The following LUZP2 variants were observed in gnomAD, a reference collection of about 807,000 sequenced individuals.
LUZP2 encodes the protein leucine zipper protein 2.
LUZP2 carries 52 observed loss-of-function variants against 51.6 expected under a neutral mutation model. That is an observed-to-expected ratio of 1.01 (90% confidence interval 0.81 to 1.27). LUZP2 has a LOEUF of 1.27. LUZP2 is among the 50% of genes most tolerant of loss of function. The pLI is 0.00. For synonymous variants in LUZP2, 154 were observed against 137.3 expected (o/e 1.12, Z -0.85); for missense variants, 436 against 395.4 (o/e 1.10, Z -0.87).
At chr11:25,052,409 C>T (rs1279068910) in intron 10 of LUZP2, among the ~76,000 whole-genome samples, 2 of 152,164 alleles carry the variant, frequency 1.3e-5, no homozygotes, top group Non-Finnish European at 2.9e-5. Flanking sequence ...TAGGTAAGGT[C>T]TAGACATTAG....
intron 5 of LUZP2, among the ~76,000 whole-genome samples, chr11:24,874,089 C>G (rs533802032): frequency 1.3e-5 from 2 of 152,228 alleles, no homozygotes; most frequent in African/African-American, 2.4e-5. Context: ...ATTCTTCCAG[C>G]TTTACAGTGG....
chr11:24,867,621 G>A (rs183597981), intron 5 of LUZP2, among the ~76,000 whole-genome samples: 4 of 152,164 alleles, frequency 2.6e-5, no homozygotes, highest in South Asian at 2.1e-4. Context: ...ATTTTCAGAC[G>A]TCCTATGAAA....
intron 1 of LUZP2, among the ~76,000 whole-genome samples, chr11:24,658,874 G>A (rs1449407557): frequency 6.6e-6 from 1 of 152,090 alleles, no homozygotes; most frequent in East Asian, 1.9e-4. Context: ...CAATGAGATA[G>A]CATCTCACAC....
intron 1 of LUZP2, among the ~76,000 whole-genome samples, chr11:24,689,959 G>A (rs1246263880): frequency 3.3e-5 from 5 of 151,994 alleles, no homozygotes; most frequent in Admixed American, 2.6e-4. Flanking sequence ...AGGATTCTTA[G>A]AGAATATCTA....
chr11:24,597,178 ATATG>A (rs1469663495), intron 1 of LUZP2, among the ~76,000 whole-genome samples: 1 of 152,202 alleles, frequency 6.6e-6, no homozygotes, highest in Non-Finnish European at 1.5e-5. Flanking sequence ...TAGGTATACT[ATATG>A]TATAAGCATG....
intron 1 of LUZP2, among the ~76,000 whole-genome samples, chr11:24,553,892 C>T (rs1333873565): frequency 6.6e-6 from 1 of 152,138 alleles, no homozygotes; most frequent in Non-Finnish European, 1.5e-5. Context: ...CTGCCATTTT[C>T]ATGAGTTTCC....
At chr11:24,562,316 A>T (rs1031632474) in intron 1 of LUZP2, among the ~76,000 whole-genome samples, 1 of 152,132 alleles carries the variant, frequency 6.6e-6, no homozygotes, top group African/African-American at 2.4e-5. Context: ...AAACTATAAC[A>T]TCTTGTCCTA....
At chr11:24,751,188 A>G (rs370117917) in intron 4 of LUZP2, among the ~76,000 whole-genome samples, 1 of 152,232 alleles carries the variant, frequency 6.6e-6, no homozygotes, top group Non-Finnish European at 1.5e-5. Context: ...CTGCTAAAAA[A>G]TCATAGCAGT....
chr11:24,796,284 C>T (rs1220585199), intron 5 of LUZP2, among the ~76,000 whole-genome samples: 4 of 151,928 alleles, frequency 2.6e-5, no homozygotes, highest in South Asian at 4.1e-4. Flanking sequence ...TTGAATAACC[C>T]GATTAGAGTT....
intron 1 of LUZP2, among the ~76,000 whole-genome samples, chr11:24,707,923 C>T (rs112169726): frequency 1.5e-4 from 23 of 152,264 alleles, no homozygotes; most frequent in African/African-American, 3.9e-4. Flanking sequence ...TTATCTCTGA[C>T]GCACGTGGCC....
intron 1 of LUZP2, among the ~76,000 whole-genome samples, chr11:24,585,126 C>T (rs1853017702): frequency 6.6e-6 from 1 of 152,126 alleles, no homozygotes; most frequent in South Asian, 2.1e-4. Flanking sequence ...TCTGGGTATC[C>T]TTAATGCCAA....
intron 1 of LUZP2, among the ~76,000 whole-genome samples, chr11:24,602,705 A>G (rs955552411): frequency 7.9e-5 from 12 of 151,612 alleles, no homozygotes; most frequent in Non-Finnish European, 1.3e-4. Flanking sequence ...TTATTATTAT[A>G]TTATTATTGA....
At chr11:24,530,996 G>A (rs1026469829) in intron 1 of LUZP2, among the ~76,000 whole-genome samples, 2 of 147,226 alleles carry the variant, frequency 1.4e-5, no homozygotes, top group African/African-American at 5.0e-5. Context: ...AATTTTACCT[G>A]AACCTTTCCC....
At chr11:24,816,255 C>T (rs10834489) in intron 5 of LUZP2, among the ~76,000 whole-genome samples, 53,268 of 151,588 alleles carry the variant, frequency 0.35, 10,542 homozygotes, top group East Asian at 0.63. Flanking sequence ...TGTAATATGG[C>T]GACTGGATCA....
chr11:24,627,362 C>T (rs1217096418), intron 1 of LUZP2, among the ~76,000 whole-genome samples: 1 of 152,058 alleles, frequency 6.6e-6, no homozygotes, highest in Non-Finnish European at 1.5e-5. Flanking sequence ...TTATTGATGG[C>T]CAGAAATGTC....
intron 9 of LUZP2, among the ~76,000 whole-genome samples, chr11:25,043,592 A>G (rs12418041): frequency 5.5e-5 from 4 of 72,194 alleles, no homozygotes; most frequent in East Asian, 1.6e-3. Flanking sequence ...TGATATATAT[A>G]TATCCTTGAT....
intron 1 of LUZP2, among the ~76,000 whole-genome samples, chr11:24,528,143 A>T (rs1442596302): frequency 6.6e-6 from 1 of 151,394 alleles, no homozygotes; most frequent in Non-Finnish European, 1.5e-5. Flanking sequence ...TTGAAAATAT[A>T]AAAGGAAGTA....
chr11:24,770,385 G>A (rs999875002), intron 5 of LUZP2, among the ~76,000 whole-genome samples: 28 of 152,046 alleles, frequency 1.8e-4, no homozygotes, highest in African/African-American at 6.3e-4. Context: ...AATTAACCCA[G>A]CTACTCTATC....
intron 10 of LUZP2, among the ~76,000 whole-genome samples, chr11:25,069,775 CTTTA>C (rs1859103100): frequency 6.6e-6 from 1 of 151,474 alleles, no homozygotes; most frequent in Non-Finnish European, 1.5e-5. Context: ...AACGTTAGTT[CTTTA>C]TTTGATTATA....
Sources: allele counts gnomAD v4.1 joint callset (sites outside exome capture counted in the v4.1 genomes callset), GRCh38; gene constraint gnomAD v4.1.1; transcripts MANE v1.5; gene names NCBI Gene and HGNC (gene_info 2026-07-23, HGNC 2026-07-21).